Variants in MARCHF1 observed in about 807,000 individuals in gnomAD.
The protein encoded by MARCHF1 is E3 ubiquitin-protein ligase MARCHF1.
Under a neutral mutation model 54.2 loss-of-function variants are expected in MARCHF1, and 40 were observed. That is an observed-to-expected ratio of 0.74 (90% confidence interval 0.57 to 0.96). The LOEUF is 0.96. MARCHF1 is among the 40% of genes least tolerant of loss of function. The pLI, the probability that MARCHF1 is intolerant of heterozygous loss-of-function variation, is 0.00. For missense variants in MARCHF1, 586 were observed against 656.5 expected (o/e 0.89, Z 1.17); for synonymous variants, 236 against 236.3 (o/e 1.00, Z 0.01).
At chr4:164,091,892 GTGTC>G (rs1442533832) in intron 2 of MARCHF1, among the ~76,000 whole-genome samples, 2 of 143,570 alleles carry the variant, frequency 1.4e-5, no homozygotes, top group Non-Finnish European at 3.0e-5. Context: ...GTGTGTGTGT[GTGTC>G]TGTATGTGTG....
At position 163,820,834 on chromosome 4, in the gene MARCHF1, C is replaced by T. The variant is rs974960998; in HGVS notation, c.111+33187G>A. ...CATGAATTCTAGTCCATGTTATTATCATCTCTTTCCTGGGACCCTGAAATA... is the reference window on the plus strand; with the variant it reads ...CATGAATTCTAGTCCATGTTATTATTATCTCTTTCCTGGGACCCTGAAATA... On this transcript the variant is annotated intron_variant, in intron 4 of 9. Transcript: ENST00000514618. Among the ~76,000 whole-genome samples, 3 of 151,964 alleles carry T rather than the reference C, an allele frequency of 2.0e-5. No homozygotes were observed. In the East Asian group the frequency reaches 5.8e-4, roughly 29 times the overall value.
intron 1 of MARCHF1, among the ~76,000 whole-genome samples, chr4:164,229,862 T>G (rs190234582): frequency 1.2e-3 from 187 of 152,174 alleles, no homozygotes; most frequent in African/African-American, 4.3e-3. Flanking sequence ...AGCACCAAGG[T>G]GATGATGCTA....
chr4:164,173,857 A>G (rs1353865120), intron 1 of MARCHF1, among the ~76,000 whole-genome samples: 1 of 152,188 alleles, frequency 6.6e-6, no homozygotes, highest in Non-Finnish European at 1.5e-5. Flanking sequence ...ACTCAGCCTC[A>G]GGTATTTCTT....
intron 1 of MARCHF1, among the ~76,000 whole-genome samples, chr4:164,228,513 A>G (rs1169193036): frequency 6.6e-6 from 1 of 152,208 alleles, no homozygotes; most frequent in Admixed American, 6.5e-5. Context: ...CCAAAACAGC[A>G]TAAGAATTAA....
At chr4:163,924,640 T>C (rs1751499736) in intron 3 of MARCHF1, among the ~76,000 whole-genome samples, 1 of 151,978 alleles carries the variant, frequency 6.6e-6, no homozygotes, top group Admixed American at 6.6e-5. Flanking sequence ...TTTGATCATG[T>C]TGACAATAGT....
chr4:164,073,669 A>C (rs1560891433), intron 2 of MARCHF1, among the ~76,000 whole-genome samples: 1 of 152,162 alleles, frequency 6.6e-6, no homozygotes, highest in Non-Finnish European at 1.5e-5. Context: ...AAACAAACAG[A>C]ATATAAAGGC....
rs150385950 is a variant in MARCHF1, at chr4:163,825,207, T to G, written c.111+28814A>C. On this transcript the variant is annotated intron_variant, in intron 4 of 9. Coordinates refer to ENST00000514618, the MANE Select transcript of MARCHF1 (RefSeq NM_001394959.1). ...GAACATGCTGCGTTTGGTTTTCTGT[T>G]CCTGGGTTAGTTCACTTGAGATAAC... Among the ~76,000 whole-genome samples the G allele has an allele frequency of 5.9e-5, 9 of 152,168 alleles. No homozygotes were observed. The East Asian group carries it at 1.7e-3, about 29-fold the overall frequency.
intron 3 of MARCHF1, among the ~76,000 whole-genome samples, chr4:163,907,974 T>G (rs1321131516): frequency 6.6e-6 from 1 of 152,062 alleles, no homozygotes; most frequent in East Asian, 1.9e-4. Flanking sequence ...CCTCTAAAAG[T>G]CTCAACTCAA....
At chr4:163,934,267 A>T (rs1751744840) in intron 3 of MARCHF1, among the ~76,000 whole-genome samples, 1 of 152,066 alleles carries the variant, frequency 6.6e-6, no homozygotes, top group African/African-American at 2.4e-5. Context: ...TTTTATAAAC[A>T]ACAACAACAA....
chr4:163,894,032 T>A (rs1019139469), intron 3 of MARCHF1, among the ~76,000 whole-genome samples: 6 of 152,180 alleles, frequency 3.9e-5, no homozygotes, highest in Admixed American at 6.5e-5. Context: ...CTCAATTAAG[T>A]TGTTTATCCA....
At chr4:164,147,596 C>G (rs867879569) in intron 1 of MARCHF1, among the ~76,000 whole-genome samples, 7 of 143,400 alleles carry the variant, frequency 4.9e-5, no homozygotes, top group Non-Finnish European at 7.5e-5. Context: ...CACGCATATT[C>G]TCACTCATAG....
chr4:164,093,523 TG>T (rs1401373606), intron 2 of MARCHF1, among the ~76,000 whole-genome samples: 1 of 152,190 alleles, frequency 6.6e-6, no homozygotes, highest in African/African-American at 2.4e-5. Flanking sequence ...TTCTGTGCTC[TG>T]TTACAAAGAG....
At chr4:164,266,022 C>T (rs962170615) in intron 1 of MARCHF1, among the ~76,000 whole-genome samples, 4 of 152,164 alleles carry the variant, frequency 2.6e-5, no homozygotes, top group Admixed American at 2.0e-4. Context: ...AAGAACCATG[C>T]CTGTTTGTTC....
At chr4:163,901,978 T>C (rs1333930986) in intron 3 of MARCHF1, among the ~76,000 whole-genome samples, 2 of 152,186 alleles carry the variant, frequency 1.3e-5, no homozygotes, top group Non-Finnish European at 2.9e-5. Flanking sequence ...TACGAAACTC[T>C]GCTCTAATAA....
At chr4:163,660,797 G>C (rs1441277041) in intron 5 of MARCHF1, among the ~76,000 whole-genome samples, 1 of 151,928 alleles carries the variant, frequency 6.6e-6, no homozygotes, top group Non-Finnish European at 1.5e-5. Flanking sequence ...CACTCTGTAT[G>C]ACACTTATTT....
At chr4:163,633,981 A>C (rs1466625944) in intron 5 of MARCHF1, among the ~76,000 whole-genome samples, 4 of 152,294 alleles carry the variant, frequency 2.6e-5, no homozygotes, top group Non-Finnish European at 4.4e-5. Flanking sequence ...CCAGAATTTC[A>C]TATCCAGCCA....
intron 5 of MARCHF1, among the ~76,000 whole-genome samples, chr4:163,627,411 T>G (rs931609162): frequency 6.6e-5 from 10 of 152,208 alleles, no homozygotes; most frequent in Non-Finnish European, 1.3e-4. Flanking sequence ...TGCTTATTAA[T>G]TCTCATATAT....
At chr4:164,061,775 G>T (rs1051830133) in intron 2 of MARCHF1, among the ~76,000 whole-genome samples, 1 of 152,006 alleles carries the variant, frequency 6.6e-6, no homozygotes, top group Non-Finnish European at 1.5e-5. Context: ...AAAAACACTT[G>T]ATTGATAAAA....
intron 8 of MARCHF1, among the ~76,000 whole-genome samples, chr4:163,559,047 G>A (rs1481826339): frequency 1.3e-5 from 2 of 152,140 alleles, no homozygotes; most frequent in Admixed American, 6.5e-5. Context: ...TTGATCCTTT[G>A]ATTATATTTT....
Sources: allele counts gnomAD v4.1 joint callset (sites outside exome capture counted in the v4.1 genomes callset), GRCh38; gene constraint gnomAD v4.1.1; transcripts MANE v1.5; gene names NCBI Gene and HGNC (gene_info 2026-07-23, HGNC 2026-07-21).